Variants in RIMS2 observed in about 807,000 individuals in gnomAD.
RIMS2 encodes the protein regulating synaptic membrane exocytosis 2.
RIMS2 carries 59 observed loss-of-function variants against 174.4 expected under a neutral mutation model. That is an observed-to-expected ratio of 0.34 (90% CI 0.27 to 0.42). The LOEUF (loss-of-function observed/expected upper bound fraction) is 0.42. Ranked by LOEUF, RIMS2 falls within the 10% of genes least tolerant of loss-of-function variation. RIMS2 has a pLI of 1.00. For synonymous variants in RIMS2, 606 were observed against 572.5 expected (o/e 1.06, Z -0.84); for missense variants, 1,620 against 1,666.3 (o/e 0.97, Z 0.48).
At position 103,965,295 on chromosome 8, in the gene RIMS2, T is replaced by C. The variant is rs140707032; in HGVS notation, c.2770+4162T>C. 2.3e-3 allele frequency among the ~76,000 whole-genome samples: 346 copies of C among 152,266 alleles called. 3 individuals carry two copies. The highest frequency in any genetic ancestry group is 4.4e-3 in the Non-Finnish European group (298 of 68,002). ...AGTATTCCTTTATATGGAATATCTA[T>C]TTATTTAGTTCTTTTTTATTTCATT... is the stretch of plus-strand genomic sequence containing the variant. On this transcript the variant is annotated intron_variant, in intron 15 of 23. Coordinates refer to ENST00000504942, the Ensembl canonical transcript of RIMS2.
At chr8:103,984,478 G>A (rs2094189576) in intron 16 of RIMS2, among the ~76,000 whole-genome samples, 1 of 152,142 alleles carries the variant, frequency 6.6e-6, no homozygotes, top group Admixed American at 6.5e-5. Flanking sequence ...GATCATCAGA[G>A]AAATGCAAAT....
chr8:104,118,407 C>G (rs2098317939), intron 19 of RIMS2, among the ~76,000 whole-genome samples: 1 of 143,686 alleles, frequency 7.0e-6, no homozygotes, highest in Admixed American at 7.1e-5. Flanking sequence ...TGTTCTGTCG[C>G]CCAGGCTGGA....
chr8:104,218,092 C>T (rs2099138969), intron 19 of RIMS2, among the ~76,000 whole-genome samples: 2 of 152,144 alleles, frequency 1.3e-5, no homozygotes, highest in South Asian at 4.1e-4. Context: ...ACTGATGAAT[C>T]CTCCTATTAC....
chr8:104,219,022 A>G lies in RIMS2; in HGVS notation c.3335-25894A>G, dbSNP rs1462358842. 2.6e-5 allele frequency among the ~76,000 whole-genome samples: 4 copies of G among 152,204 alleles called. No individual in the cohort carries two copies. In the East Asian group the frequency reaches 7.7e-4, roughly 29 times the overall value. The stretch of plus-strand genomic sequence containing the variant: ...AAACCTCTATTTCAGGAATAAACTA[A>G]TTTCACGTAATTTAAAACTCTGGTG... On this transcript the variant is annotated intron_variant, in intron 19 of 23. Transcript: ENST00000504942.
intron 3 of RIMS2, among the ~76,000 whole-genome samples, chr8:103,866,587 T>C (rs1181481957): frequency 6.6e-6 from 1 of 152,138 alleles, no homozygotes; most frequent in Non-Finnish European, 1.5e-5. Flanking sequence ...TTTTGCTACA[T>C]ACCTAAGCAC....
chr8:103,978,537 C>T (rs563057702), intron 16 of RIMS2, among the ~76,000 whole-genome samples: 47 of 152,350 alleles, frequency 3.1e-4, no homozygotes, highest in African/African-American at 1.1e-3. Flanking sequence ...CAAACTGCAG[C>T]TAGAATTTTG....
At chr8:104,235,058 C>A (rs1370960829) in intron 19 of RIMS2, among the ~76,000 whole-genome samples, 1 of 152,052 alleles carries the variant, frequency 6.6e-6, no homozygotes, top group Non-Finnish European at 1.5e-5. Context: ...AAATACGTTA[C>A]CATCATTTTC....
At chr8:103,999,508 T>A (rs2095292667) in intron 17 of RIMS2, among the ~76,000 whole-genome samples, 1 of 151,800 alleles carries the variant, frequency 6.6e-6, no homozygotes. Context: ...GCATTCCGAC[T>A]ATTTTTTACT....
intron 9 of RIMS2, 144 bp downstream of exon 12, chr8:103,918,631 G>T: frequency 6.4e-6 from 4 of 622,374 alleles, no homozygotes; most frequent in East Asian, 5.6e-5. Context: ...GGAAAATTTA[G>T]TATTATTTCA....
Position 104,123,962 on chromosome 8 carries a change from A to G in RIMS2, c.3334+109347A>G, listed in dbSNP as rs539704556. Reference sequence around the variant, plus strand: ...CATGTGCAATAAAGCAAAGCTCAATAAAATAAAGTATGCCTATATGTGGAA... The same window carrying G: ...CATGTGCAATAAAGCAAAGCTCAATGAAATAAAGTATGCCTATATGTGGAA... On this transcript the variant is annotated intron_variant, in intron 19 of 23. Transcript: ENST00000504942. Among the ~76,000 whole-genome samples, 24 of 152,282 alleles carry G rather than the reference A, an allele frequency of 1.6e-4. No homozygotes were observed. The East Asian group carries it at 4.6e-3, about 29-fold the overall frequency.
intron 16 of RIMS2, among the ~76,000 whole-genome samples, chr8:103,980,525 GC>G (rs1354205163): frequency 3.9e-5 from 6 of 152,154 alleles, no homozygotes; most frequent in Admixed American, 3.9e-4. Context: ...ATGAAAGACT[GC>G]TTCTGTTTGA....
chr8:103,552,967 G>A (rs2131653732), intron 1 of RIMS2, among the ~76,000 whole-genome samples: 1 of 152,306 alleles, frequency 6.6e-6, no homozygotes, highest in Admixed American at 6.5e-5. Flanking sequence ...AGAGGATGTG[G>A]AGAAATAGGA....
intron 19 of RIMS2, among the ~76,000 whole-genome samples, chr8:104,059,133 G>A (rs2096928919): frequency 6.6e-6 from 1 of 151,342 alleles, no homozygotes; most frequent in Non-Finnish European, 1.5e-5. Flanking sequence ...GATGGGGATG[G>A]CATTGAATCT....
chr8:103,656,209 C>T (rs1385158803), intron 1 of RIMS2, among the ~76,000 whole-genome samples: 4 of 151,906 alleles, frequency 2.6e-5, no homozygotes. Flanking sequence ...CTAATTGGGT[C>T]GTGATGTTAT....
chr8:103,586,690 A>G (rs575129214), intron 1 of RIMS2, among the ~76,000 whole-genome samples: 1 of 152,258 alleles, frequency 6.6e-6, no homozygotes, highest in South Asian at 2.1e-4. Context: ...GAACTAGAAA[A>G]GCAAGAGCAC....
chr8:104,075,215 A>G (rs1360353610), intron 19 of RIMS2, among the ~76,000 whole-genome samples: 1 of 152,182 alleles, frequency 6.6e-6, no homozygotes, highest in Non-Finnish European at 1.5e-5. Context: ...TATTCATGTA[A>G]AACAGACGTC....
rs34497821 is a variant in RIMS2, at chr8:103,504,994, G to A, written c.176+3932G>A. Among the ~76,000 whole-genome samples, 1,469 of 151,530 alleles carry A rather than the reference G, an allele frequency of 9.7e-3. 20 individuals carry two copies. Among genetic ancestry groups the A allele is most frequent in the South Asian group, 0.049 (233 of 4,792 alleles). On this transcript the variant is annotated intron_variant, in intron 1 of 23. Coordinates refer to ENST00000504942, the Ensembl canonical transcript of RIMS2. ...AGCCTCTGGAGTAACTGGGACCACA[G>A]GCAGGTGTCATGACACTCGACTAAT...
intron 3 of RIMS2, among the ~76,000 whole-genome samples, chr8:103,824,584 C>T (rs1255013666): frequency 6.6e-6 from 1 of 152,078 alleles, no homozygotes. Context: ...CTTTATTTTG[C>T]CTAGTGTGTT....
intron 14 of RIMS2, among the ~76,000 whole-genome samples, chr8:103,960,468 G>A (rs562319904): frequency 6.6e-6 from 1 of 151,942 alleles, no homozygotes; most frequent in Non-Finnish European, 1.5e-5. Flanking sequence ...TTTTCTTATT[G>A]TCTTTTCAAA....
Sources: allele counts gnomAD v4.1 joint callset (sites outside exome capture counted in the v4.1 genomes callset), GRCh38; gene constraint gnomAD v4.1.1; transcripts MANE v1.5; gene names NCBI Gene and HGNC (gene_info 2026-07-23, HGNC 2026-07-21).